UNC13C: variants seen among roughly 807,000 people sequenced by gnomAD.
The protein encoded by UNC13C is protein unc-13 homolog C.
In UNC13C, 174 loss-of-function variants were observed where a neutral mutation model predicts 245.4. The observed-to-expected ratio is 0.71, with a 90% confidence interval of 0.63 to 0.80. The LOEUF is 0.80. UNC13C is among the 30% of genes least tolerant of loss of function. UNC13C has a pLI of 0.00. For synonymous variants in UNC13C, 992 were observed against 895.1 expected, an observed-to-expected ratio of 1.11 and a Z score of -1.93; for missense variants, 2,829 against 2,602.9, an observed-to-expected ratio of 1.09 and a Z score of -1.89.
chr15:54,286,109 G>A (rs1178770202), intron 10 of UNC13C, among the ~76,000 whole-genome samples: 3 of 152,090 alleles, frequency 2.0e-5, no homozygotes, highest in Admixed American at 2.0e-4. Context: ...TCGAACTCCT[G>A]ACCTCAAGTG....
At position 54,023,038 on chromosome 15, in the gene UNC13C, T is replaced by G. The variant is rs545840674; in HGVS notation, c.2983+7152T>G. On this transcript the variant is annotated intron_variant, in intron 2 of 32. Coordinates refer to ENST00000260323, the MANE Select transcript of UNC13C (RefSeq NM_001080534.3). ...CTGGAGCCAAAGTGTTTAAGTGTAT[T>G]CTGGTGTGAGATGGAACTAAGAGAA... Among the ~76,000 whole-genome samples, 4 of 152,324 alleles carry G rather than the reference T, an allele frequency of 2.6e-5. No homozygotes were observed. The East Asian group carries it at 5.8e-4, about 22-fold the overall frequency.
At chr15:54,408,199 C>CAAAAAAAAAAAAAAAAAAAAAAAAA (rs71105808) in intron 18 of UNC13C, among the ~76,000 whole-genome samples, 8 of 29,126 alleles carry the variant, frequency 2.7e-4, no homozygotes, top group African/African-American at 6.2e-4. Context: ...GACTCTGCCT[C>CAAAAAAAAAAAAAAAAAAAAAAAAA]AAAAAAAAAA....
Position 54,053,573 on chromosome 15 carries a change from A to G in UNC13C, c.2983+37687A>G, listed in dbSNP as rs569998287. Reference sequence around the variant, plus strand: ...TTTTGATACAGACATACGATGTGTAACAATTGCATCAGGGTGAATGGGGTG... The same window carrying G: ...TTTTGATACAGACATACGATGTGTAGCAATTGCATCAGGGTGAATGGGGTG... On this transcript the variant is annotated intron_variant, in intron 2 of 32. Coordinates refer to ENST00000260323, the MANE Select transcript of UNC13C (RefSeq NM_001080534.3). Among the ~76,000 whole-genome samples, 6 of 152,306 alleles carry G rather than the reference A, an allele frequency of 3.9e-5. No homozygotes were observed. The East Asian group carries it at 1.2e-3, about 29-fold the overall frequency.
At chr15:54,373,631 C>A (rs1438691688) in intron 17 of UNC13C, among the ~76,000 whole-genome samples, 1 of 152,184 alleles carries the variant, frequency 6.6e-6, no homozygotes, top group Non-Finnish European at 1.5e-5. Context: ...CACCAGGAAC[C>A]ATAGAGTCCC....
chr15:54,050,621 A>G (rs917750674), intron 2 of UNC13C: 20 of 437,588 alleles, frequency 4.6e-5, no homozygotes, highest in Admixed American at 1.2e-4. Flanking sequence ...TAAATTTATC[A>G]TCAGAACTTA....
downstream of UNC13C, chr15:54,629,689 A>T (rs1159803183): frequency 2.0e-5 from 3 of 152,152 alleles, no homozygotes; most frequent in Non-Finnish European, 1.5e-5. Flanking sequence ...CAGAACATTG[A>T]CTTAAGCTCT....
upstream of UNC13C, among the ~76,000 whole-genome samples, chr15:53,974,618 C>T (rs1191813211): frequency 6.6e-6 from 1 of 152,186 alleles, no homozygotes; most frequent in East Asian, 1.9e-4. Context: ...AGAAGTACAG[C>T]ATCCATATCT....
the UNC13C span, among the ~76,000 whole-genome samples, chr15:53,949,585 T>A: frequency 6.6e-6 from 1 of 152,204 alleles, no homozygotes; most frequent in Middle Eastern, 3.2e-3. Context: ...AGTGTGTTAA[T>A]CATCTGATTA....
intron 2 of UNC13C, among the ~76,000 whole-genome samples, chr15:54,107,554 G>A (rs536357341): frequency 2.6e-5 from 4 of 152,208 alleles, no homozygotes; most frequent in African/African-American, 4.8e-5. Context: ...GTGAAGTAAC[G>A]CAGTTTTTAA....
chr15:54,180,300 C>A (rs2033754996), intron 4 of UNC13C, among the ~76,000 whole-genome samples: 1 of 152,026 alleles, frequency 6.6e-6, no homozygotes, highest in African/African-American at 2.4e-5. Context: ...ATAATGGCCT[C>A]CAGCTGCATC....
At chr15:54,198,742 T>C (rs2034434902) in intron 4 of UNC13C, among the ~76,000 whole-genome samples, 1 of 152,056 alleles carries the variant, frequency 6.6e-6, no homozygotes, top group South Asian at 2.1e-4. Context: ...CCCTCTGACA[T>C]AGTCCACCCA....
chr15:54,214,600 A>G (rs2034983937), intron 4 of UNC13C, among the ~76,000 whole-genome samples: 1 of 152,012 alleles, frequency 6.6e-6, no homozygotes, highest in South Asian at 2.1e-4. Flanking sequence ...TATATGCAGC[A>G]TACTTCTAAA....
At chr15:54,470,018 C>T (rs1366862580) in intron 19 of UNC13C, among the ~76,000 whole-genome samples, 1 of 151,522 alleles carries the variant, frequency 6.6e-6, no homozygotes, top group Non-Finnish European at 1.5e-5. Flanking sequence ...TTAAGATGCT[C>T]ATATGGTCTT....
At chr15:54,401,738 G>C (rs578089291) in intron 18 of UNC13C, among the ~76,000 whole-genome samples, 1 of 152,166 alleles carries the variant, frequency 6.6e-6, no homozygotes, top group Admixed American at 6.5e-5. Context: ...ATCTGTGGTC[G>C]TTCAACGCAC....
At chr15:54,447,494 G>C (rs1029115500) in intron 19 of UNC13C, among the ~76,000 whole-genome samples, 8 of 152,156 alleles carry the variant, frequency 5.3e-5, no homozygotes, top group African/African-American at 1.9e-4. Flanking sequence ...TCCTGGTTTA[G>C]TCTTGGGAGG....
Position 54,093,267 on chromosome 15 carries a change from C to T in UNC13C, c.2984-49751C>T, listed in dbSNP as rs116913393. On this transcript the variant is annotated intron_variant, in intron 2 of 32. Coordinates refer to ENST00000260323, the MANE Select transcript of UNC13C (RefSeq NM_001080534.3). The stretch of plus-strand genomic sequence containing the variant: ...ACTTGAGTCAGCCAAATATGTTTAA[C>T]GGGCTTAATCAATATTGCATAGATA... Among the ~76,000 whole-genome samples the T allele has an allele frequency of 4.6e-3, 691 of 150,868 alleles. 2 individuals are homozygous for T. The highest frequency in any genetic ancestry group is 6.3e-3 in the Non-Finnish European group (425 of 67,834).
chr15:54,456,340 T>C (rs1186767306), intron 19 of UNC13C, among the ~76,000 whole-genome samples: 2 of 152,160 alleles, frequency 1.3e-5, no homozygotes, highest in Non-Finnish European at 2.9e-5. Context: ...CGTAGGCTCC[T>C]TTTTGGTTCC....
At position 54,107,607 on chromosome 15, in the gene UNC13C, G is replaced by A. The variant is rs141309356; in HGVS notation, c.2984-35411G>A. ...CAGCTTTGGAACCCAGCTGAGAACA[G>A]GAGAAGAAATGGACTTCAATTGATG... On this transcript the variant is annotated intron_variant, in intron 2 of 32. Coordinates refer to ENST00000260323, the MANE Select transcript of UNC13C (RefSeq NM_001080534.3). Among the ~76,000 whole-genome samples, 611 of 152,266 alleles carry A rather than the reference G, an allele frequency of 4.0e-3. 5 individuals are homozygous for A. Among genetic ancestry groups the A allele is most frequent in the African/African-American group, 0.014 (588 of 41,554 alleles).
intron 4 of UNC13C, among the ~76,000 whole-genome samples, chr15:54,180,260 G>A (rs1167101862): frequency 6.6e-6 from 1 of 151,928 alleles, no homozygotes; most frequent in Non-Finnish European, 1.5e-5. Flanking sequence ...GACATATTTT[G>A]TTCTCTATTC....
Sources: allele counts gnomAD v4.1 joint callset (sites outside exome capture counted in the v4.1 genomes callset), GRCh38; gene constraint gnomAD v4.1.1; transcripts MANE v1.5; gene names NCBI Gene and HGNC (gene_info 2026-07-23, HGNC 2026-07-21).